Variants in ROBO2 observed in about 807,000 individuals in gnomAD.
The protein encoded by ROBO2 is roundabout homolog 2.
ROBO2 carries 53 observed loss-of-function variants against 160.8 expected under a neutral mutation model. The ratio of observed to expected loss-of-function variants is 0.33; its 90% confidence interval spans 0.26 to 0.41. The LOEUF (loss-of-function observed/expected upper bound fraction) is 0.41. Among genes scored for constraint, ROBO2 ranks in the 10% least tolerant of loss-of-function variants. The probability of loss-of-function intolerance (pLI) is 1.00; values close to 1 mark genes in which losing one functional copy is unlikely to be tolerated. For missense variants in ROBO2, 1,577 were observed against 1,722.4 expected (o/e 0.92, Z 1.49); for synonymous variants, 664 against 611.7 (o/e 1.09, Z -1.26).
At chr3:77,114,976 TGTGA>T (rs2074055974) in intron 2 of ROBO2, among the ~76,000 whole-genome samples, 1 of 152,168 alleles carries the variant, frequency 6.6e-6, no homozygotes, top group Non-Finnish European at 1.5e-5. Context: ...ATCTTTTTCC[TGTGA>T]GTGTTTTTAT....
At chr3:76,244,678 C>T (rs907334875) in intron 2 of ROBO2, among the ~76,000 whole-genome samples, 6 of 152,070 alleles carry the variant, frequency 3.9e-5, no homozygotes, top group Admixed American at 6.6e-5. Flanking sequence ...TTGGACTGGA[C>T]GTCAGGAGCC....
chr3:77,391,642 C>T (rs1250902562), intron 2 of ROBO2, among the ~76,000 whole-genome samples: 2 of 152,042 alleles, frequency 1.3e-5, no homozygotes, highest in African/African-American at 4.8e-5. Flanking sequence ...ATTATGGGAG[C>T]TACAATTCAA....
At chr3:76,538,151 TCACACACACACA>T (rs3223397) in intron 2 of ROBO2, among the ~76,000 whole-genome samples, 49 of 146,350 alleles carry the variant, frequency 3.3e-4, no homozygotes, top group Admixed American at 8.2e-4. Flanking sequence ...CTGACAGAAC[TCACACACACACA>T]CACACACACA....
intron 2 of ROBO2, among the ~76,000 whole-genome samples, chr3:77,152,822 A>G (rs1337779889): frequency 6.6e-6 from 1 of 152,120 alleles, no homozygotes; most frequent in African/African-American, 2.4e-5. Context: ...GCAAAGCTCA[A>G]TTTTTTTAGT....
In ROBO2 at chr3:76,210,593, A is replaced by G. The variant is rs138107397; in HGVS notation, c.109+272991A>G. ...GCTTCTTTCTATGTGCTATATTTAA[A>G]CAGAGTTAATAAATATAAATGCTGT... On this transcript the variant is annotated intron_variant, in intron 2 of 26. Transcript: ENST00000487694. Among the ~76,000 whole-genome samples the G allele has an allele frequency of 2.4e-4, 36 of 152,240 alleles. No individual in the cohort carries two copies. In the East Asian group the frequency reaches 5.8e-3, roughly 24 times the overall value.
At chr3:76,831,962 C>G (rs534458771) in intron 2 of ROBO2, among the ~76,000 whole-genome samples, 1 of 152,116 alleles carries the variant, frequency 6.6e-6, no homozygotes, top group South Asian at 2.1e-4. Flanking sequence ...CTTCTTTAAT[C>G]CAGTTAAAGC....
intron 2 of ROBO2, among the ~76,000 whole-genome samples, chr3:76,704,423 T>C (rs1273723710): frequency 6.6e-6 from 1 of 152,106 alleles, no homozygotes; most frequent in Non-Finnish European, 1.5e-5. Flanking sequence ...GGCATGTGGG[T>C]TATCGCTGGA....
chr3:76,571,708 T>G (rs2084967150), intron 2 of ROBO2, among the ~76,000 whole-genome samples: 1 of 152,168 alleles, frequency 6.6e-6, no homozygotes, highest in African/African-American at 2.4e-5. Context: ...TTAAGTTAAA[T>G]TACATTATTA....
At chr3:76,579,741 G>T (rs545462075) in intron 2 of ROBO2, among the ~76,000 whole-genome samples, 2 of 134,322 alleles carry the variant, frequency 1.5e-5, no homozygotes, top group East Asian at 4.5e-4. Flanking sequence ...TAGGACATGA[G>T]TTTTTATTGC....
At chr3:77,090,554 C>T (rs577976115) in intron 1 of ROBO2, among the ~76,000 whole-genome samples, 3 of 151,764 alleles carry the variant, frequency 2.0e-5, no homozygotes, top group African/African-American at 7.2e-5. Flanking sequence ...CAAGGTTTCA[C>T]CGTGTTAGCC....
chr3:76,401,116 G>T (rs1311114254), intron 2 of ROBO2, among the ~76,000 whole-genome samples: 1 of 151,506 alleles, frequency 6.6e-6, no homozygotes, highest in Non-Finnish European at 1.5e-5. Context: ...CTCCTCTGCT[G>T]CAAGGGTGGA....
At chr3:76,937,023 A>C (rs2077746924) in intron 2 of ROBO2, among the ~76,000 whole-genome samples, 1 of 114,862 alleles carries the variant, frequency 8.7e-6, no homozygotes, top group Non-Finnish European at 1.8e-5. Flanking sequence ...GGTACTCATT[A>C]TTGACCTACC....
intron 2 of ROBO2, among the ~76,000 whole-genome samples, chr3:76,366,961 G>A (rs1279418582): frequency 1.3e-5 from 2 of 151,850 alleles, no homozygotes; most frequent in Non-Finnish European, 1.5e-5. Flanking sequence ...TAAAATAATA[G>A]CATTGCCCAT....
intron 2 of ROBO2, among the ~76,000 whole-genome samples, chr3:76,807,065 C>T (rs2064785314): frequency 1.3e-5 from 2 of 151,938 alleles, no homozygotes; most frequent in Non-Finnish European, 2.9e-5. Context: ...ATTCTGGTTA[C>T]AATGGAAATA....
At position 77,615,159 on chromosome 3, in the gene ROBO2, A is replaced by C. The variant is rs537589223; in HGVS notation, c.3294-2354A>C. Among the ~76,000 whole-genome samples, 16 of 152,256 alleles carry C rather than the reference A, an allele frequency of 1.1e-4. 1 individual carries two copies. Among genetic ancestry groups the C allele is most frequent in the African/African-American group, 2.6e-4 (11 of 41,548 alleles). The stretch of plus-strand genomic sequence containing the variant: ...TCAGGACCCTGACACATAACTGTCC[A>C]AAAAAATAAATTAAGAGTTTTTTTT... On this transcript the variant is annotated intron_variant, in intron 21 of 25. Transcript: ENST00000461745.
chr3:76,229,788 C>T (rs534053530), intron 2 of ROBO2, among the ~76,000 whole-genome samples: 1 of 152,068 alleles, frequency 6.6e-6, no homozygotes, highest in Non-Finnish European at 1.5e-5. Context: ...TCTATTTATA[C>T]AATTATATTT....
chr3:76,267,818 C>T (rs1005048862), intron 2 of ROBO2, among the ~76,000 whole-genome samples: 1 of 152,088 alleles, frequency 6.6e-6, no homozygotes, highest in Non-Finnish European at 1.5e-5. Context: ...ATGATGGCCT[C>T]TCTATAATCT....
chr3:77,630,908 G>A (rs957579337), intron 23 of ROBO2: 3 of 151,006 alleles, frequency 2.0e-5, no homozygotes, highest in East Asian at 1.9e-4. Flanking sequence ...ACTATCCTCC[G>A]TTCCAGAGTT....
chr3:76,434,147 G>C, intron 2 of ROBO2: 2 of 1,190,794 alleles, frequency 1.7e-6, no homozygotes, highest in Middle Eastern at 2.6e-4. Flanking sequence ...TTGACTCACT[G>C]CTTGCTGGTC....
Sources: gnomAD v4.1 joint callset for allele counts (sites outside exome capture counted in the v4.1 genomes callset) on GRCh38, gnomAD v4.1.1 for gene constraint, MANE v1.5 for transcripts, NCBI Gene and HGNC (gene_info 2026-07-23, HGNC 2026-07-21) for gene names.